Variants in DLGAP2 observed in about 807,000 individuals in gnomAD.
DLGAP2 encodes disks large-associated protein 2.
A neutral mutation model predicts 100.3 loss-of-function variants in DLGAP2; 26 were observed. The observed-to-expected ratio is 0.26, with a 90% CI of 0.19 to 0.36. DLGAP2 has a LOEUF of 0.36. Among genes scored for constraint, DLGAP2 ranks in the 10% least tolerant of loss-of-function variants. The pLI, the probability that DLGAP2 is intolerant of heterozygous loss-of-function variation, is 1.00. For missense variants in DLGAP2, 1,858 were observed against 1,453.2 expected (o/e 1.28, Z -4.53); for synonymous variants, 886 against 630.1 (o/e 1.41, Z -6.08).
chr8:1,507,138 G>C (rs941431771), intron 4 of DLGAP2, among the ~76,000 whole-genome samples: 1 of 152,244 alleles, frequency 6.6e-6, no homozygotes, highest in Non-Finnish European at 1.5e-5. Context: ...CACGGGCAGA[G>C]CTGCCTGCCA....
intron 1 of DLGAP2, among the ~76,000 whole-genome samples, chr8:857,940 G>T (rs562569056): frequency 6.6e-5 from 10 of 150,754 alleles, no homozygotes; most frequent in African/African-American, 2.2e-4. Context: ...GTGTGATCTC[G>T]GCTCACTGCA....
intron 2 of DLGAP2, among the ~76,000 whole-genome samples, chr8:918,697 A>C (rs775149405): frequency 6.6e-6 from 1 of 152,214 alleles, no homozygotes; most frequent in Non-Finnish European, 1.5e-5. Flanking sequence ...CTGTTATTCA[A>C]CTTAAGTTCT....
At position 1,548,803 on chromosome 8, in the gene DLGAP2, G is replaced by T. The variant is rs769043986; in HGVS notation, c.350G>T (p.Arg117Leu). 4 of 1,579,294 alleles carry T rather than the reference G, an allele frequency of 2.5e-6. No homozygotes were observed. The highest frequency in any genetic ancestry group is 1.3e-5 in the African/African-American group (1 of 74,078). The change falls in exon 5 of 15, where the codon CGG becomes CTG. Residue 117 changes from arginine to leucine, a missense_variant. By Grantham distance (102) the Arg-to-Leu change is moderately radical. Transcript: ENST00000637795. ...CEHLHHGPDA[R>L]PPYLLSPADS... ...CACCTGCACCACGGGCCCGACGCGC[G>T]GCCGCCCTACCTGCTGAGCCCCGCC...
At chr8:949,754 G>T (rs747075819) in intron 2 of DLGAP2, among the ~76,000 whole-genome samples, 16 of 152,244 alleles carry the variant, frequency 1.1e-4, no homozygotes, top group Non-Finnish European at 2.1e-4. Context: ...TCAGGAACGG[G>T]CAGAGAGTAG....
At position 1,339,552 on chromosome 8, in the gene DLGAP2, A is replaced by G. The variant is rs1338668002; in HGVS notation, c.106+80669A>G. Among the ~76,000 whole-genome samples, 9 of 152,226 alleles carry G rather than the reference A, an allele frequency of 5.9e-5. 1 individual carries two copies. Among genetic ancestry groups the G allele is most frequent in the Non-Finnish European group, 1.3e-4 (9 of 68,044 alleles). ...TGGGAACAAGCTTCCGTGTCACGTA[A>G]GTAGTCTTCAGTATTTCTCAGTGTA... On this transcript the variant is annotated intron_variant, in intron 3 of 14. Coordinates refer to ENST00000637795, the MANE Select transcript of DLGAP2 (RefSeq NM_001346810.2).
chr8:1,682,749 C>T (rs1310733157), intron 12 of DLGAP2, among the ~76,000 whole-genome samples: 1 of 151,524 alleles, frequency 6.6e-6, no homozygotes, highest in African/African-American at 2.4e-5. Context: ...GCTAGGATTA[C>T]AGGTATGAAC....
intron 2 of DLGAP2, among the ~76,000 whole-genome samples, chr8:1,174,092 T>G (rs552040095): frequency 2.0e-5 from 3 of 152,122 alleles, no homozygotes; most frequent in Non-Finnish European, 4.4e-5. Context: ...GGGAGCAGTG[T>G]TAAACAGTGA....
rs374841099 is a variant in DLGAP2 at position 1,678,069 on chromosome 8, C to T, written c.2289-145C>T. The T allele has an allele frequency of 5.3e-4, 445 of 839,762 alleles. 5 individuals carry two copies. In the South Asian group the frequency reaches 7.8e-3, roughly 15 times the overall value. The allele number at this position is 839,762 out of a possible 1,614,324, so 52.0% of individuals were successfully genotyped here. A position where few individuals can be genotyped will look rare whatever the true frequency, so the allele number is the denominator to read the frequency against. Reference sequence around the variant, plus strand: ...TGTTCTTCCACAGACAAAACACCAGCATATTTCACAAACAAAACACTACCT... The same window carrying T: ...TGTTCTTCCACAGACAAAACACCAGTATATTTCACAAACAAAACACTACCT... On this transcript the variant is annotated intron_variant, in intron 11 of 14. Transcript: ENST00000637795.
At chr8:802,842 G>T (rs972445486) in intron 1 of DLGAP2, among the ~76,000 whole-genome samples, 5 of 152,174 alleles carry the variant, frequency 3.3e-5, no homozygotes, top group Non-Finnish European at 5.9e-5. Flanking sequence ...AAGTGAATGG[G>T]AGCGAACTCG....
intron 4 of DLGAP2, among the ~76,000 whole-genome samples, chr8:1,506,895 C>T (rs776948144): frequency 1.3e-4 from 20 of 152,188 alleles, no homozygotes; most frequent in Non-Finnish European, 2.2e-4. Context: ...TTGAGCTAGA[C>T]ACAGAGTGCT....
intron 10 of DLGAP2, among the ~76,000 whole-genome samples, chr8:1,670,047 C>G (rs188536535): frequency 3.4e-4 from 52 of 152,230 alleles, no homozygotes; most frequent in African/African-American, 1.2e-3. Context: ...CCGTCTCCGT[C>G]TCCAGGGTCA....
At chr8:1,353,835 A>G (rs181711051) in intron 3 of DLGAP2, among the ~76,000 whole-genome samples, 30 of 152,374 alleles carry the variant, frequency 2.0e-4, no homozygotes, top group African/African-American at 7.0e-4. Flanking sequence ...AATTTTTAAT[A>G]CGGGAAAAAT....
chr8:875,433 T>G (rs1270109495), intron 1 of DLGAP2, among the ~76,000 whole-genome samples: 1 of 152,186 alleles, frequency 6.6e-6, no homozygotes, highest in Non-Finnish European at 1.5e-5. Context: ...CTCCATGCTA[T>G]TCTCGTGATA....
chr8:1,567,498 A>C (rs998287467), intron 6 of DLGAP2, among the ~76,000 whole-genome samples: 3 of 152,176 alleles, frequency 2.0e-5, no homozygotes, highest in Non-Finnish European at 4.4e-5. Flanking sequence ...TTTTTAGACC[A>C]TGGGCAGGGA....
intron 3 of DLGAP2, among the ~76,000 whole-genome samples, chr8:1,469,072 G>A (rs963484865): frequency 4.0e-5 from 6 of 151,826 alleles, no homozygotes; most frequent in African/African-American, 7.3e-5. Flanking sequence ...ACAGTTCAAC[G>A]CATGACATGT....
chr8:999,915 T>A (rs977317900), intron 2 of DLGAP2, among the ~76,000 whole-genome samples: 96 of 151,620 alleles, frequency 6.3e-4, no homozygotes, highest in Non-Finnish European at 1.1e-3. Context: ...AGCAGACAGA[T>A]CCGGGTGGAG....
chr8:837,882 A>G, intron 1 of DLGAP2, among the ~76,000 whole-genome samples: 1 of 135,766 alleles, frequency 7.4e-6, no homozygotes. Flanking sequence ...ACGCCCGGCT[A>G]GTTGTTTTTT....
chr8:1,549,629 G>C lies in DLGAP2; in HGVS notation c.1176G>C (p.Lys392Asn), dbSNP rs1417836296. The C allele has an allele frequency of 2.5e-6, 4 of 1,586,090 alleles. No individual in the cohort carries two copies. The Admixed American group carries it at 7.2e-5, about 29-fold the overall frequency. The part of the protein sequence containing the change: ...AYRKSSLNLD[K>N]PLLHQDAKPA... ...GCAAGAGCTCGCTGAACCTGGACAA[G>C]CCGCTGCTGCACCAGGACGCCAAGC... The change falls in exon 5 of 15, where the codon AAG (lysine) becomes AAC (asparagine). Residue 392 changes from lysine to asparagine, a missense_variant. By Grantham distance (94) the Lys-to-Asn change is moderately conservative. Coordinates refer to ENST00000637795, the MANE Select transcript of DLGAP2 (RefSeq NM_001346810.2).
chr8:940,205 T>C lies in DLGAP2; in HGVS notation c.73+32239T>C, dbSNP rs972127981. On this transcript the variant is annotated intron_variant, in intron 2 of 14. Coordinates refer to ENST00000637795, the MANE Select transcript of DLGAP2 (RefSeq NM_001346810.2). Reference sequence around the variant, plus strand: ...ACTCTTGTGACATTTACTTAAGTTCTCTGAGTTTCCATTTCACCTTTAAAA... The same window carrying C: ...ACTCTTGTGACATTTACTTAAGTTCCCTGAGTTTCCATTTCACCTTTAAAA... 1.2e-4 allele frequency among the ~76,000 whole-genome samples: 18 copies of C among 152,196 alleles called. 1 individual carries two copies. The highest frequency in any genetic ancestry group is 9.2e-4 in the Admixed American group (14 of 15,288).
Sources: allele counts gnomAD v4.1 joint callset (sites outside exome capture counted in the v4.1 genomes callset), GRCh38; gene constraint gnomAD v4.1.1; transcripts MANE v1.5; gene names NCBI Gene and HGNC (gene_info 2026-07-23, HGNC 2026-07-21).